The following ALDH9A1 variants were observed in gnomAD, a reference collection of about 807,000 sequenced individuals.
ALDH9A1 encodes 4-trimethylaminobutyraldehyde dehydrogenase.
ALDH9A1 carries 42 observed loss-of-function variants against 56.6 expected under a neutral mutation model. The observed-to-expected ratio is 0.74, with a 90% confidence interval of 0.58 to 0.96. The LOEUF is 0.96. ALDH9A1 is among the 40% of genes least tolerant of loss of function. The probability of loss-of-function intolerance (pLI) is 0.00; values close to 1 mark genes in which losing one functional copy is unlikely to be tolerated. For missense variants in ALDH9A1, 661 were observed against 651.5 expected (o/e 1.01, Z -0.16); for synonymous variants, 242 against 236.0 (o/e 1.03, Z -0.23).
chr1:165,689,925 C>T (rs1205802294), intron 2 of ALDH9A1, among the ~76,000 whole-genome samples: 1 of 122,026 alleles, frequency 8.2e-6, no homozygotes, highest in Non-Finnish European at 1.7e-5. Flanking sequence ...CAGAGTGAGA[C>T]TCCATCACAA....
Position 165,680,614 on chromosome 1 carries a change from C to T in ALDH9A1, c.662G>A (p.Ser221Asn). 6.2e-7 allele frequency: 1 copy of T among 1,614,118 alleles called. No homozygotes were observed. Among genetic ancestry groups the T allele is most frequent in the Non-Finnish European group, 8.5e-7 (1 of 1,180,014 alleles). Residue 221 changes from serine (S) to asparagine (N), a missense_variant, in exon 5 of 11, where the codon AGT becomes AAT. Coordinates refer to ENST00000354775, the MANE Select transcript of ALDH9A1 (RefSeq NM_000696.4). Reference protein sequence around the residue: ...VSALLLAEIYSEAGVPPGLFN... With the variant: ...VSALLLAEIYNEAGVPPGLFN... ...GAGCCCAGGAGGTACACCAGCCTCA[C>T]TGTAGATTTCAGCCAGTAGCAATGC...
At position 165,662,963 on chromosome 1, in the gene ALDH9A1, T is replaced by C. The variant is rs1648889560; in HGVS notation, c.*87A>G. On this transcript the variant is annotated 3_prime_UTR_variant, in exon 11 of 11. Coordinates refer to ENST00000354775, the MANE Select transcript of ALDH9A1 (RefSeq NM_000696.4). ...GAACGCCAAAATTCTGGATGTAAAA[T>C]AACATTCAGTTGTACTGCCTCTGTA... 3.4e-6 allele frequency: 4 copies of C among 1,192,278 alleles called. No homozygotes were observed. Among genetic ancestry groups the C allele is most frequent in the Non-Finnish European group, 5.0e-6 (4 of 800,412 alleles). 73.9% of individuals were successfully genotyped at this position (1,192,278 alleles called of 1,614,324 possible).
chr1:165,668,994 C>T lies in ALDH9A1; in HGVS notation c.1139G>A (p.Gly380Asp), dbSNP rs761180855. Residue 380 changes from glycine to aspartate, a missense_variant, in exon 8 of 11, where the codon GGT (glycine) becomes GAT (aspartate). Physicochemically the swap from Gly to Asp is moderately conservative, Grantham distance 94. Transcript: ENST00000354775. ...AKEQGAKVLCGGDIYVPEDPK... is the reference protein window; with the variant it reads ...AKEQGAKVLCDGDIYVPEDPK... ...ATCTTCAGGTACATATATATCTCCACCACATAACACTTTAGCACCCTGCCG... is the reference window on the plus strand; with the variant it reads ...ATCTTCAGGTACATATATATCTCCATCACATAACACTTTAGCACCCTGCCG... The T allele has an allele frequency of 1.9e-6, 3 of 1,610,070 alleles. No individual in the cohort carries two copies. The highest frequency in any genetic ancestry group is 2.2e-5 in the South Asian group (2 of 90,238).
At chr1:165,676,138 A>G (rs1461581853) in intron 6 of ALDH9A1, among the ~76,000 whole-genome samples, 1 of 152,180 alleles carries the variant, frequency 6.6e-6, no homozygotes, top group Admixed American at 6.5e-5. Flanking sequence ...GTGCACAGAC[A>G]TATATACAAA....
At chr1:165,692,942 C>A (rs527720775) in intron 2 of ALDH9A1, among the ~76,000 whole-genome samples, 4 of 151,984 alleles carry the variant, frequency 2.6e-5, no homozygotes, top group South Asian at 2.1e-4. Flanking sequence ...TTTGACAAAC[C>A]TGAGAAAAAC....
rs543334080 is a variant in ALDH9A1 at position 165,669,545 on chromosome 1, A to G, written c.931-95T>C. On this transcript the variant is annotated intron_variant, in intron 6 of 10. Transcript: ENST00000354775. ...ACAATCTAAAAACTTTAAACTGAAA[A>G]GAGACACTATACATTTTTTAAAAGG... 231 of 1,085,138 alleles carry G rather than the reference A, an allele frequency of 2.1e-4. 2 individuals are homozygous for G. Among genetic ancestry groups the G allele is most frequent in the South Asian group, 1.4e-3 (78 of 55,832 alleles). The allele number at this position is 1,085,138 out of a possible 1,614,324, so 67.2% of individuals were successfully genotyped here. A position where few individuals can be genotyped will look rare whatever the true frequency, so the allele number is the denominator to read the frequency against.
At chr1:165,673,790 A>G (rs1649256486) in intron 6 of ALDH9A1, among the ~76,000 whole-genome samples, 1 of 152,150 alleles carries the variant, frequency 6.6e-6, no homozygotes, top group Non-Finnish European at 1.5e-5. Context: ...CTTAGGATTA[A>G]GGGTTCTTTT....
Position 165,679,436 on chromosome 1 carries a change from A to T in ALDH9A1, c.930+6T>A, listed in dbSNP as rs752747059. The stretch of plus-strand genomic sequence containing the variant: ...TTTTACACCTCTTCCAGGGACAGGT[A>T]CATACCTGGCCTTGTGTGAGGAAGT... On this transcript the variant is annotated splice_donor_region_variant and intron_variant, in intron 6 of 10. Transcript: ENST00000354775. 1.9e-6 allele frequency: 3 copies of T among 1,614,146 alleles called. No homozygotes were observed. The highest frequency in any genetic ancestry group is 1.7e-5 in the Admixed American group (1 of 60,024).
Position 165,695,272 on chromosome 1 carries a change from C to T in ALDH9A1, c.307G>A (p.Glu103Lys). 6.2e-7 allele frequency: 1 copy of T among 1,610,278 alleles called. No homozygotes were observed. Among genetic ancestry groups the T allele is most frequent in the Non-Finnish European group, 8.5e-7 (1 of 1,178,524 alleles). The change falls in exon 2 of 11, where the codon GAG becomes AAG. Residue 103 changes from glutamate (E) to lysine (K), a missense_variant. By Grantham distance (56) the Glu-to-Lys change is moderately conservative. Coordinates refer to ENST00000354775, the MANE Select transcript of ALDH9A1 (RefSeq NM_000696.4). ...CATACCCTTATTATCCTGGCAGCCT[C>T]CAAAAGGATTCGGCAACGCTCCATG... is the stretch of plus-strand genomic sequence containing the variant. ...SGMERCRILL[E>K]AARIIRERED...
intron 2 of ALDH9A1, 77 bp from the exon 3 acceptor site, chr1:165,683,187 A>G: frequency 7.0e-7 from 1 of 1,437,054 alleles, no homozygotes; most frequent in South Asian, 1.2e-5. Context: ...AATAGAACAC[A>G]CTGCTCAATT....
chr1:165,679,320 T>C, intron 6 of ALDH9A1, 122 bp downstream of exon 6: 4 of 1,101,714 alleles, frequency 3.6e-6, no homozygotes, highest in Non-Finnish European at 3.8e-6. Context: ...GGGAATTCTT[T>C]GTACTATTTG....
chr1:165,675,668 A>C (rs1649335195), intron 6 of ALDH9A1, among the ~76,000 whole-genome samples: 1 of 152,206 alleles, frequency 6.6e-6, no homozygotes, highest in Non-Finnish European at 1.5e-5. Flanking sequence ...TCAAAATAAA[A>C]TTTTAAAATC....
At chr1:165,677,806 C>T (rs61800422) in intron 6 of ALDH9A1, among the ~76,000 whole-genome samples, 8,244 of 145,630 alleles carry the variant, frequency 0.057, 337 homozygotes, top group Middle Eastern at 0.085. Context: ...TGCAGTGAGC[C>T]GAGATCGCAC....
chr1:165,675,420 T>C (rs1325271651), intron 6 of ALDH9A1, among the ~76,000 whole-genome samples: 1 of 152,130 alleles, frequency 6.6e-6, no homozygotes, highest in Non-Finnish European at 1.5e-5. Flanking sequence ...TCTAATGTGC[T>C]ACCTTTTGTG....
intron 2 of ALDH9A1, among the ~76,000 whole-genome samples, chr1:165,687,541 G>A (rs1191748877): frequency 1.3e-5 from 2 of 152,102 alleles, no homozygotes; most frequent in Non-Finnish European, 2.9e-5. Flanking sequence ...TTTCTCTTCT[G>A]AAACAATACA....
Position 165,669,330 on chromosome 1 carries a change from T to C in ALDH9A1, c.1051A>G (p.Met351Val). 1.2e-6 allele frequency: 2 copies of C among 1,614,110 alleles called. No homozygotes were observed. The highest frequency in any genetic ancestry group is 1.7e-6 in the Non-Finnish European group (2 of 1,179,980). Reference protein sequence around the residue: ...IGDPLLEDTRMGPLINRPHLE... With the variant: ...IGDPLLEDTRVGPLINRPHLE... ...TGTGGTCGGTTGATGAGTGGACCCA[T>C]CCTTGTATCTTCCAGAAGGGGATCT... The change falls in exon 7 of 11, where the codon ATG becomes GTG. Residue 351 changes from methionine to valine, a missense_variant. Transcript: ENST00000354775.
chr1:165,689,186 C>T (rs1026741962), intron 2 of ALDH9A1, among the ~76,000 whole-genome samples: 39 of 151,948 alleles, frequency 2.6e-4, no homozygotes, highest in African/African-American at 7.3e-4. Flanking sequence ...TTTTTAATAA[C>T]GGGGAAAATA....
chr1:165,690,958 C>T lies in ALDH9A1; in HGVS notation c.327+4294G>A, dbSNP rs577074509. 6.4e-4 allele frequency among the ~76,000 whole-genome samples: 98 copies of T among 152,270 alleles called. 1 individual carries two copies. Among genetic ancestry groups the T allele is most frequent in the Non-Finnish European group, 4.9e-4 (33 of 68,018 alleles). ...CAGGGCATAGCTGAACAAAAGGCAG[C>T]GGAAACTTCTGCAGACTTAAACGTC... On this transcript the variant is annotated intron_variant, in intron 2 of 10. Transcript: ENST00000354775.
At chr1:165,672,217 G>A (rs1302408036) in intron 6 of ALDH9A1, among the ~76,000 whole-genome samples, 1 of 152,106 alleles carries the variant, frequency 6.6e-6, no homozygotes, top group Admixed American at 6.5e-5. Context: ...AACCACCTAA[G>A]TGTTCACAAA....
Sources: gnomAD v4.1 joint callset for allele counts (sites outside exome capture counted in the v4.1 genomes callset) on GRCh38, gnomAD v4.1.1 for gene constraint, MANE v1.5 for transcripts, NCBI Gene and HGNC (gene_info 2026-07-23, HGNC 2026-07-21) for gene names.